The following MS4A4E variants were observed in gnomAD, a reference collection of about 807,000 sequenced individuals.
The protein encoded by MS4A4E is putative membrane-spanning 4-domains subfamily A member 4E.
Under a neutral mutation model 13.3 loss-of-function variants are expected in MS4A4E, and 23 were observed. That is an observed-to-expected ratio of 1.73 (90% CI 1.25 to 2.45). The LOEUF is 2.45. Ranked by LOEUF, MS4A4E falls within the 30% of genes most tolerant of loss-of-function variation. The pLI, the probability that MS4A4E is intolerant of heterozygous loss-of-function variation, is 0.00. For missense variants in MS4A4E, 144 were observed against 131.2 expected (o/e 1.10, Z -0.48); for synonymous variants, 36 against 45.6 (o/e 0.79, Z 0.85).
At chr11:60,213,202 C>A (rs1204683240) in intron 4 of MS4A4E, 70 bp from the exon 5 acceptor site, 2 of 1,227,324 alleles carry the variant, frequency 1.6e-6, no homozygotes, top group South Asian at 2.7e-5. Flanking sequence ...AATTACTTTA[C>A]ACTGCTGTCT....
intron 1 of MS4A4E, 142 bp downstream of exon 1, chr11:60,242,816 T>C (rs2134981658): frequency 1.9e-6 from 1 of 518,142 alleles, no homozygotes; most frequent in Non-Finnish European, 3.4e-6. Flanking sequence ...GTGCACTCAA[T>C]CCACCCCAAC....
At chr11:60,214,197 C>T (rs777361547) in intron 4 of MS4A4E, among the ~76,000 whole-genome samples, 26 of 152,270 alleles carry the variant, frequency 1.7e-4, no homozygotes, top group Non-Finnish European at 3.2e-4. Context: ...TGAGCCACCG[C>T]GCCCGGCCAG....
At chr11:60,208,502 G>A (rs1010124132) in intron 6 of MS4A4E, 91 bp downstream of exon 6, 9 of 395,762 alleles carry the variant, frequency 2.3e-5, no homozygotes, top group Non-Finnish European at 4.1e-5. Context: ...TATAATGAAT[G>A]TGTACTGTGT....
chr11:60,230,985 GA>G (rs1020415608), intron 1 of MS4A4E, among the ~76,000 whole-genome samples: 31 of 150,810 alleles, frequency 2.1e-4, no homozygotes, highest in South Asian at 1.0e-3. Context: ...TAACATAAAT[GA>G]AAAAAAAAGT....
At chr11:60,213,797 C>G (rs2084155735) in intron 4 of MS4A4E, among the ~76,000 whole-genome samples, 1 of 152,094 alleles carries the variant, frequency 6.6e-6, no homozygotes, top group African/African-American at 2.4e-5. Flanking sequence ...TGAAAGGCAT[C>G]TTGACATGAG....
Position 60,200,994 on chromosome 11 carries a change from C to T in MS4A4E, c.*549G>A, listed in dbSNP as rs573868248. Among the ~76,000 whole-genome samples, 69 of 146,108 alleles carry T rather than the reference C, an allele frequency of 4.7e-4. No homozygotes were observed. Among genetic ancestry groups the T allele is most frequent in the African/African-American group, 1.5e-3 (59 of 38,610 alleles). ...CTGAACCCCCCACCTCCCTCCCGGA[C>T]GGGGCGGCTGGCCGGGCAGAGGGCT... On this transcript the variant is annotated 3_prime_UTR_variant, in exon 9 of 9. Transcript: ENST00000651255.
chr11:60,240,273 A>G (rs558397952), intron 1 of MS4A4E, among the ~76,000 whole-genome samples: 26 of 152,286 alleles, frequency 1.7e-4, no homozygotes, highest in African/African-American at 6.3e-4. Flanking sequence ...ACCTTCCGTT[A>G]CATACCTTCT....
intron 1 of MS4A4E, among the ~76,000 whole-genome samples, chr11:60,232,918 C>A (rs190914468): frequency 3.0e-4 from 46 of 152,268 alleles, no homozygotes; most frequent in African/African-American, 8.9e-4. Flanking sequence ...CCATCTTAGT[C>A]GCTGGTGCAC....
At chr11:60,202,177 C>G (rs2083997207) in intron 8 of MS4A4E, among the ~76,000 whole-genome samples, 1 of 152,148 alleles carries the variant, frequency 6.6e-6, no homozygotes, top group African/African-American at 2.4e-5. Context: ...CAAATTGCCT[C>G]TACGTCTTAT....
rs1357666910 is a variant in MS4A4E at position 60,201,367 on chromosome 11, G to A, written c.*176C>T. The A allele has an allele frequency of 1.5e-4, 28 of 182,488 alleles. No individual in the cohort carries two copies. The highest frequency in any genetic ancestry group is 2.3e-4 in the Non-Finnish European group (20 of 87,888). The allele number at this position is 182,488 out of a possible 1,614,324, so 11.3% of individuals were successfully genotyped here. ...TCACTTCCCAGACGGGGTGGCTGCC[G>A]GGCGGAGGGGCTCCTCACTTCTCAG... is the stretch of plus-strand genomic sequence containing the variant. On this transcript the variant is annotated 3_prime_UTR_variant, in exon 9 of 9. Coordinates refer to ENST00000651255, the MANE Select transcript of MS4A4E (RefSeq NM_001393391.1).
intron 3 of MS4A4E, among the ~76,000 whole-genome samples, chr11:60,217,417 T>C (rs2084210677): frequency 6.7e-6 from 1 of 148,536 alleles, no homozygotes; most frequent in South Asian, 2.2e-4. Context: ...GGAGCCTTTT[T>C]TTTGCCAGAA....
At position 60,200,616 on chromosome 11, in the gene MS4A4E, CAG is replaced by C. The variant is rs1227830810; in HGVS notation, c.*925_*926del. On this transcript the variant is annotated 3_prime_UTR_variant, in exon 9 of 9. Transcript: ENST00000651255. ...GAGCACAGGGTTGGGGGTAAGGTCA[CAG>C]ATCAACAGGATCCCAAGGCAGAAGA... Among the ~76,000 whole-genome samples, 2 of 152,150 alleles carry C rather than the reference CAG, an allele frequency of 1.3e-5. No individual in the cohort carries two copies. The highest frequency in any genetic ancestry group is 2.9e-5 in the Non-Finnish European group (2 of 68,016).
chr11:60,220,682 C>T (rs965074037), intron 3 of MS4A4E, among the ~76,000 whole-genome samples: 1 of 152,204 alleles, frequency 6.6e-6, no homozygotes, highest in Non-Finnish European at 1.5e-5. Context: ...ATTCAGGGAC[C>T]TTCTACCTCA....
At chr11:60,225,186 T>A (rs1217168305) in intron 3 of MS4A4E, 11 of 1,222,526 alleles carry the variant, frequency 9.0e-6, no homozygotes, top group Non-Finnish European at 1.2e-5. Flanking sequence ...TTATTCTTTT[T>A]CATTTGATAT....
At chr11:60,219,256 CTG>C (rs2084235282) in intron 3 of MS4A4E, among the ~76,000 whole-genome samples, 1 of 152,182 alleles carries the variant, frequency 6.6e-6, no homozygotes, top group Admixed American at 6.5e-5. Context: ...ACAGTAGAAA[CTG>C]TAGTCACTCA....
chr11:60,208,421 C>A (rs988884891), intron 6 of MS4A4E, among the ~76,000 whole-genome samples, 172 bp downstream of exon 6: 1 of 152,188 alleles, frequency 6.6e-6, no homozygotes, highest in Non-Finnish European at 1.5e-5. Flanking sequence ...TCCCTGATGA[C>A]AGAGTCATAA....
At chr11:60,222,274 C>T (rs1378497408) in intron 3 of MS4A4E, among the ~76,000 whole-genome samples, 1 of 152,222 alleles carries the variant, frequency 6.6e-6, no homozygotes, top group African/African-American at 2.4e-5. Flanking sequence ...TCATGGAATG[C>T]CTTAACCACT....
At chr11:60,229,850 G>T in intron 2 of MS4A4E, 62 bp downstream of exon 2, 1 of 1,511,932 alleles carries the variant, frequency 6.6e-7, no homozygotes. Flanking sequence ...TTGGGCATTA[G>T]CTCTGATCAA....
At chr11:60,236,859 C>T (rs1053128956) in intron 1 of MS4A4E, among the ~76,000 whole-genome samples, 1 of 151,966 alleles carries the variant, frequency 6.6e-6, no homozygotes, top group Non-Finnish European at 1.5e-5. Context: ...GCCTCAGCCT[C>T]CCGAATACCT....
Sources: gnomAD v4.1 joint callset for allele counts (sites outside exome capture counted in the v4.1 genomes callset) on GRCh38, gnomAD v4.1.1 for gene constraint, MANE v1.5 for transcripts, NCBI Gene and HGNC (gene_info 2026-07-23, HGNC 2026-07-21) for gene names.